Variants in TYR observed in about 807,000 individuals in gnomAD.
The protein encoded by TYR is tyrosinase.
Under a neutral mutation model 51.5 loss-of-function variants are expected in TYR, and 58 were observed. The ratio of observed to expected loss-of-function variants is 1.13; its 90% CI spans 0.91 to 1.40. The LOEUF (loss-of-function observed/expected upper bound fraction) is 1.40. TYR is among the 40% of genes most tolerant of loss of function. The probability of loss-of-function intolerance (pLI) is 0.00; values close to 1 mark genes in which losing one functional copy is unlikely to be tolerated. For missense variants in TYR, 732 were observed against 647.4 expected, an observed-to-expected ratio of 1.13 and a Z score of -1.42; for synonymous variants, 263 against 235.2, an observed-to-expected ratio of 1.12 and a Z score of -1.08.
At chr11:89,192,508 T>C (rs1204879836) in intron 2 of TYR, among the ~76,000 whole-genome samples, 2 of 152,044 alleles carry the variant, frequency 1.3e-5, no homozygotes, top group Non-Finnish European at 2.9e-5. Context: ...TCTTTTTTTT[T>C]CCTTTTTGTC....
intron 2 of TYR, among the ~76,000 whole-genome samples, chr11:89,222,712 C>T (rs1347696377): frequency 2.0e-5 from 3 of 152,052 alleles, no homozygotes; most frequent in Non-Finnish European, 4.4e-5. Context: ...GCACTCCAGC[C>T]TGGGCAACAG....
chr11:89,181,880 C>A (rs1300588552), intron 1 of TYR, among the ~76,000 whole-genome samples: 2 of 152,082 alleles, frequency 1.3e-5, no homozygotes, highest in African/African-American at 4.8e-5. Context: ...GTCAAGTAAC[C>A]CGCTAATTTC....
At chr11:89,236,183 A>T (rs963875311) in intron 3 of TYR, among the ~76,000 whole-genome samples, 1 of 151,938 alleles carries the variant, frequency 6.6e-6, no homozygotes, top group Non-Finnish European at 1.5e-5. Flanking sequence ...TTGCAGAAAA[A>T]GTTTGGGGAT....
chr11:89,246,022 T>C (rs2135295440), intron 3 of TYR, among the ~76,000 whole-genome samples: 1 of 152,130 alleles, frequency 6.6e-6, no homozygotes, highest in South Asian at 2.1e-4. Context: ...TTTAGCATGC[T>C]CAGAAGCTTG....
intron 2 of TYR, among the ~76,000 whole-genome samples, chr11:89,198,395 T>G (rs999724349): frequency 6.6e-6 from 1 of 152,056 alleles, no homozygotes; most frequent in Non-Finnish European, 1.5e-5. Context: ...AGAAACTCAG[T>G]AGTTTGGTGT....
chr11:89,288,913 T>G (rs1435756870), intron 4 of TYR, among the ~76,000 whole-genome samples: 2 of 152,020 alleles, frequency 1.3e-5, no homozygotes, highest in East Asian at 3.9e-4. Context: ...TTGATATAAT[T>G]TTGTTCAAGG....
intron 3 of TYR, among the ~76,000 whole-genome samples, chr11:89,248,023 T>C (rs1230013135): frequency 6.6e-6 from 1 of 152,178 alleles, no homozygotes; most frequent in African/African-American, 2.4e-5. Flanking sequence ...CAGACATGCC[T>C]CATTTTGAAT....
intron 2 of TYR, among the ~76,000 whole-genome samples, chr11:89,198,383 T>A (rs1943551912): frequency 6.6e-6 from 1 of 152,124 alleles, no homozygotes; most frequent in African/African-American, 2.4e-5. Flanking sequence ...TCTGAGGGAA[T>A]CAGAAACTCA....
chr11:89,275,968 A>G (rs1453930358), intron 3 of TYR, among the ~76,000 whole-genome samples: 5 of 151,906 alleles, frequency 3.3e-5, no homozygotes, highest in Non-Finnish European at 7.4e-5. Context: ...ATTTAACAAT[A>G]TATTAAGAGT....
At chr11:89,202,837 C>T (rs374650127) in intron 2 of TYR, among the ~76,000 whole-genome samples, 1 of 151,930 alleles carries the variant, frequency 6.6e-6, no homozygotes, top group African/African-American at 2.4e-5. Context: ...TATAAAAACT[C>T]GTTATTTCAT....
chr11:89,196,998 T>G (rs549240014), intron 2 of TYR, among the ~76,000 whole-genome samples: 1 of 152,224 alleles, frequency 6.6e-6, no homozygotes, highest in African/African-American at 2.4e-5. Flanking sequence ...CATAAAATGG[T>G]AATTGATATA....
chr11:89,189,244 T>C (rs928250614), intron 1 of TYR, among the ~76,000 whole-genome samples: 1 of 152,066 alleles, frequency 6.6e-6, no homozygotes, highest in Admixed American at 6.6e-5. Flanking sequence ...TTTCCTTATT[T>C]GTGAAGCGAA....
intron 1 of TYR, among the ~76,000 whole-genome samples, chr11:89,189,554 AG>A (rs1204400160): frequency 2.6e-5 from 4 of 152,100 alleles, no homozygotes; most frequent in Non-Finnish European, 5.9e-5. Flanking sequence ...ATGTTTTTAA[AG>A]CTACTGTTTA....
intron 3 of TYR, among the ~76,000 whole-genome samples, chr11:89,230,123 A>T (rs189275513): frequency 4.6e-5 from 7 of 152,224 alleles, no homozygotes; most frequent in African/African-American, 1.7e-4. Context: ...ATATTTCCTG[A>T]TTTCAAAATA....
intron 4 of TYR, among the ~76,000 whole-genome samples, chr11:89,286,355 A>G (rs1944786638): frequency 6.6e-6 from 1 of 151,894 alleles, no homozygotes; most frequent in East Asian, 1.9e-4. Flanking sequence ...CACGAAGAAA[A>G]TAAGTTGACC....
intron 3 of TYR, among the ~76,000 whole-genome samples, chr11:89,282,729 TTCTTA>T (rs1299227665): frequency 1.3e-5 from 2 of 151,808 alleles, no homozygotes; most frequent in Non-Finnish European, 2.9e-5. Context: ...AAAACTCATC[TTCTTA>T]AATCTTCTAA....
In TYR at chr11:89,191,367, T is replaced by C; in HGVS notation, c.985T>C (p.Ser329Pro). 2 of 1,613,726 alleles carry C rather than the reference T, an allele frequency of 1.2e-6. No homozygotes were observed. The highest frequency in any genetic ancestry group is 1.7e-6 in the Non-Finnish European group (2 of 1,179,742). ...EFCLSLTQYE[S>P]GSMDKAANFS... ...TTGCCTGAGTTTGACCCAATATGAA[T>C]CTGGTTCCATGGATAAAGCTGCCAA... The change falls in exon 2 of 5, where the codon TCT becomes CCT. Residue 329 changes from serine to proline, a missense_variant. Transcript: ENST00000263321.
chr11:89,185,427 A>G (rs1285966340), intron 1 of TYR, among the ~76,000 whole-genome samples: 1 of 152,104 alleles, frequency 6.6e-6, no homozygotes, highest in Non-Finnish European at 1.5e-5. Context: ...TCATCCACTG[A>G]CTCTGTTCAT....
At position 89,228,852 on chromosome 11, in the gene TYR, T is replaced by C. The variant is rs1944007653; in HGVS notation, c.1184+882T>C. 2.0e-5 allele frequency among the ~76,000 whole-genome samples: 3 copies of C among 152,136 alleles called. No homozygotes were observed. The South Asian group carries it at 6.2e-4, about 32-fold the overall frequency. ...AGAAAAGAAAGTATTCAGAGGAAGG[T>C]CAGCTGTCTACTCTTGAAATTTTCA... On this transcript the variant is annotated intron_variant, in intron 3 of 4. Coordinates refer to ENST00000263321, the MANE Select transcript of TYR (RefSeq NM_000372.5).
Sources: allele counts gnomAD v4.1 joint callset (sites outside exome capture counted in the v4.1 genomes callset), GRCh38; gene constraint gnomAD v4.1.1; transcripts MANE v1.5; gene names NCBI Gene and HGNC (gene_info 2026-07-23, HGNC 2026-07-21).